ZNF365: variants seen among roughly 807,000 people sequenced by gnomAD.
ZNF365 encodes the protein zinc finger protein 365, also known as protein ZNF365.
ZNF365 carries 22 observed loss-of-function variants against 35.0 expected under a neutral mutation model. That is an observed-to-expected ratio of 0.63 (90% CI 0.45 to 0.90). The LOEUF is 0.90. Among genes scored for constraint, ZNF365 ranks in the 40% least tolerant of loss-of-function variants. The pLI, the probability that ZNF365 is intolerant of heterozygous loss-of-function variation, is 0.00. For synonymous variants in ZNF365, 188 were observed against 196.2 expected (o/e 0.96, Z 0.35); for missense variants, 448 against 500.3 (o/e 0.90, Z 1.00).
chr10:62,418,773 A>G (rs921713892), intron 3 of ZNF365, among the ~76,000 whole-genome samples: 3 of 152,122 alleles, frequency 2.0e-5, no homozygotes, highest in Non-Finnish European at 4.4e-5. Flanking sequence ...TAAAAGGGGC[A>G]TCTTCCTCAA....
intron 2 of ZNF365, among the ~76,000 whole-genome samples, chr10:62,380,445 T>C (rs970833429): frequency 1.3e-5 from 2 of 152,214 alleles, no homozygotes; most frequent in African/African-American, 4.8e-5. Context: ...TGTTAATCAT[T>C]TGTTTATGTT....
intron 3 of ZNF365, among the ~76,000 whole-genome samples, chr10:62,431,142 C>T (rs1840327966): frequency 6.6e-6 from 1 of 152,206 alleles, no homozygotes; most frequent in Non-Finnish European, 1.5e-5. Context: ...GGAGGACTAA[C>T]TTCTTTTTAC....
At chr10:62,409,178 G>A (rs939288391) in intron 3 of ZNF365, among the ~76,000 whole-genome samples, 2 of 152,130 alleles carry the variant, frequency 1.3e-5, no homozygotes, top group Non-Finnish European at 2.9e-5. Flanking sequence ...AACTTAAAGA[G>A]GTAGGATGTG....
chr10:62,400,138 T>G lies in ZNF365; in HGVS notation c.*349T>G. 2 of 1,038,594 alleles carry G rather than the reference T, an allele frequency of 1.9e-6. No homozygotes were observed. The highest frequency in any genetic ancestry group is 8.0e-5 in the South Asian group (2 of 25,124). The allele number at this position is 1,038,594 out of a possible 1,614,324, so 64.3% of individuals were successfully genotyped here. ...TTTTCAGGACCAAGGCCACACAAAA[T>G]GTCAGGCCTAGGGAGAAAATTCATC... is the stretch of plus-strand genomic sequence containing the variant. On this transcript the variant is annotated 3_prime_UTR_variant, in exon 5 of 5. Coordinates refer to ENST00000395254, the MANE Select transcript of ZNF365 (RefSeq NM_014951.3).
intron 3 of ZNF365, among the ~76,000 whole-genome samples, chr10:62,392,006 G>A (rs1839639052): frequency 6.6e-6 from 1 of 152,194 alleles, no homozygotes. Context: ...CATTAGTAAT[G>A]TCGAGCATTT....
chr10:62,393,020 T>G (rs1341732044), intron 3 of ZNF365, among the ~76,000 whole-genome samples: 3 of 148,666 alleles, frequency 2.0e-5, no homozygotes, highest in East Asian at 3.9e-4. Context: ...TTTACATTTT[T>G]TAATTTTTCT....
intron 3 of ZNF365, among the ~76,000 whole-genome samples, chr10:62,389,027 C>T (rs973668652): frequency 6.6e-6 from 1 of 152,152 alleles, no homozygotes; most frequent in African/African-American, 2.4e-5. Context: ...CACTGTTCAA[C>T]AGTCTCTATA....
At chr10:62,460,724 G>A (rs2132480780) in intron 4 of ZNF365, among the ~76,000 whole-genome samples, 1 of 152,292 alleles carries the variant, frequency 6.6e-6, no homozygotes, top group South Asian at 2.1e-4. Context: ...TGGGAGACAG[G>A]AGTACATATC....
At chr10:62,411,758 T>C (rs1839988616) in intron 3 of ZNF365, among the ~76,000 whole-genome samples, 1 of 152,090 alleles carries the variant, frequency 6.6e-6, no homozygotes, top group Non-Finnish European at 1.5e-5. Context: ...CTTGGCTATT[T>C]GGGCTCTTTT....
At chr10:62,476,558 G>A (rs1841134905) in intron 4 of ZNF365, among the ~76,000 whole-genome samples, 1 of 152,178 alleles carries the variant, frequency 6.6e-6, no homozygotes, top group Non-Finnish European at 1.5e-5. Context: ...TACAGCTAGA[G>A]GAAAAGATTG....
chr10:62,384,987 C>T (rs917489743), intron 2 of ZNF365, among the ~76,000 whole-genome samples: 5 of 152,122 alleles, frequency 3.3e-5, no homozygotes, highest in Non-Finnish European at 7.4e-5. Flanking sequence ...TGTGAATGAA[C>T]GGTGGATCTG....
chr10:62,376,511 T>C lies in ZNF365; in HGVS notation c.318T>C (p.His106=), dbSNP rs1240267352. The C allele has an allele frequency of 6.2e-7, 1 of 1,614,004 alleles. No individual in the cohort carries two copies. The highest frequency in any genetic ancestry group is 1.3e-5 in the African/African-American group (1 of 74,928). ...ATGTTAACTTGTACAGCATTTCACA[T>C]GAACATTCCAAGGACAGGAAGCCAT... ...PSYVNLYSIS[H]EHSKDRKPFE... is the part of the protein sequence containing the mutation. The change falls in exon 2 of 5, where the codon CAT becomes CAC. Residue 106 remains histidine (H), a synonymous_variant. Coordinates refer to ENST00000395254, the MANE Select transcript of ZNF365 (RefSeq NM_014951.3).
intron 3 of ZNF365, among the ~76,000 whole-genome samples, chr10:62,452,845 C>T (rs1380998764): frequency 6.6e-5 from 10 of 152,218 alleles, no homozygotes; most frequent in African/African-American, 2.4e-4. Flanking sequence ...AATTATTCTC[C>T]TATGGTCACA....
At chr10:62,464,573 C>T (rs1033746037) in intron 4 of ZNF365, among the ~76,000 whole-genome samples, 1 of 152,234 alleles carries the variant, frequency 6.6e-6, no homozygotes, top group Non-Finnish European at 1.5e-5. Flanking sequence ...GGCAATGCCT[C>T]TAACAGAATC....
chr10:62,450,103 A>G (rs1461302222), intron 3 of ZNF365, among the ~76,000 whole-genome samples: 1 of 151,694 alleles, frequency 6.6e-6, no homozygotes, highest in Non-Finnish European at 1.5e-5. Flanking sequence ...AAGATCCCCA[A>G]CTCCATTAAA....
chr10:62,389,906 C>T (rs1031079190), intron 3 of ZNF365, among the ~76,000 whole-genome samples: 4 of 152,242 alleles, frequency 2.6e-5, no homozygotes, highest in African/African-American at 7.2e-5. Context: ...TGGTCTTCTA[C>T]GTAAAATGCT....
At chr10:62,428,648 A>G (rs976207873) in intron 3 of ZNF365, among the ~76,000 whole-genome samples, 3 of 152,160 alleles carry the variant, frequency 2.0e-5, no homozygotes, top group Non-Finnish European at 2.9e-5. Flanking sequence ...ATACAGGTCC[A>G]TAGAGGAGCT....
chr10:62,398,250 T>C (rs1484835018), intron 3 of ZNF365, among the ~76,000 whole-genome samples: 1 of 152,172 alleles, frequency 6.6e-6, no homozygotes, highest in African/African-American at 2.4e-5. Context: ...ATGTGAACCA[T>C]GGAATACTAC....
intron 3 of ZNF365, among the ~76,000 whole-genome samples, chr10:62,391,743 C>A (rs1407492547): frequency 2.0e-5 from 3 of 152,202 alleles, no homozygotes; most frequent in Non-Finnish European, 4.4e-5. Context: ...GTAATGACTT[C>A]TTTTCCTCTG....
Sources: allele counts gnomAD v4.1 joint callset (sites outside exome capture counted in the v4.1 genomes callset), GRCh38; gene constraint gnomAD v4.1.1; transcripts MANE v1.5; gene names NCBI Gene and HGNC (gene_info 2026-07-23, HGNC 2026-07-21).